ADAP1: variants seen among roughly 807,000 people sequenced by gnomAD.
The protein encoded by ADAP1 is arf-GAP with dual PH domain-containing protein 1.
A neutral mutation model predicts 54.9 loss-of-function variants in ADAP1; 31 were observed. That is an observed-to-expected ratio of 0.56 (90% CI 0.42 to 0.76). ADAP1 has a LOEUF of 0.76. ADAP1 is among the 30% of genes least tolerant of loss of function. ADAP1 has a pLI of 0.00. For synonymous variants in ADAP1, 313 were observed against 202.6 expected, an observed-to-expected ratio of 1.55 and a Z score of -4.63; for missense variants, 535 against 512.4, an observed-to-expected ratio of 1.04 and a Z score of -0.42.
rs555114547 is a variant in ADAP1, at chr7:903,146, TGCG to T, written c.648+977_648+979del. On this transcript the variant is annotated intron_variant, in intron 6 of 10. Coordinates refer to ENST00000265846, the MANE Select transcript of ADAP1 (RefSeq NM_006869.4). Reference sequence around the variant, plus strand: ...CAGAGACAACAGTCTGCGGAGAGTCTGCGGCAACACATGGTCAACTGCGGCAAG... The same window carrying T: ...CAGAGACAACAGTCTGCGGAGAGTCTGCAACACATGGTCAACTGCGGCAAG... Among the ~76,000 whole-genome samples the T allele has an allele frequency of 1.1e-3, 175 of 152,256 alleles. 5 individuals carry two copies. In the South Asian group the frequency reaches 0.033, roughly 29 times the overall value.
At chr7:936,927 T>C (rs1317560564) in intron 1 of ADAP1, among the ~76,000 whole-genome samples, 3 of 152,222 alleles carry the variant, frequency 2.0e-5, no homozygotes, top group African/African-American at 4.8e-5. Flanking sequence ...GGGACTCCCA[T>C]GCCAGGCGGC....
Position 946,911 on chromosome 7 carries a change from G to A in ADAP1, c.82+7485C>T, listed in dbSNP as rs974793231. 5.3e-5 allele frequency among the ~76,000 whole-genome samples: 8 copies of A among 152,252 alleles called. No homozygotes were observed. The highest frequency in any genetic ancestry group is 1.3e-4 in the Admixed American group (2 of 15,282). ...AGCACCTGGAGAGGCCAAGGTGAAC[G>A]GGTGGAGCCCAGGAGTTCGAGACCA... is the stretch of plus-strand genomic sequence containing the variant. On this transcript the variant is annotated intron_variant, in intron 1 of 10. Transcript: ENST00000265846. The surrounding 1 kb of genome is among the most constrained non-coding windows in gnomAD (Gnocchi z 4.3).
intron 4 of ADAP1, among the ~76,000 whole-genome samples, chr7:910,057 C>G (rs1050513317): frequency 7.1e-6 from 1 of 141,204 alleles, no homozygotes; most frequent in Non-Finnish European, 1.6e-5. Context: ...AACGGCAAAA[C>G]CAAACCAGTG....
chr7:953,322 G>A (rs1847312556), intron 1 of ADAP1, among the ~76,000 whole-genome samples: 1 of 152,208 alleles, frequency 6.6e-6, no homozygotes, highest in Non-Finnish European at 1.5e-5. Context: ...CTCCTGATGT[G>A]GCCTTTCCAG....
intron 4 of ADAP1, among the ~76,000 whole-genome samples, chr7:906,862 G>C (rs1206314071): frequency 2.0e-5 from 3 of 151,506 alleles, no homozygotes; most frequent in African/African-American, 4.9e-5. Flanking sequence ...TATGACAGTG[G>C]ACCAGCGCTG....
intron 4 of ADAP1, among the ~76,000 whole-genome samples, chr7:911,859 A>G (rs576438332): frequency 2.0e-5 from 3 of 151,920 alleles, no homozygotes; most frequent in South Asian, 2.1e-4. Context: ...GAGAGGGGCA[A>G]TGGGGCAGCC....
intron 6 of ADAP1, among the ~76,000 whole-genome samples, chr7:903,185 G>A (rs570051775): frequency 3.9e-5 from 6 of 152,310 alleles, no homozygotes; most frequent in South Asian, 2.1e-4. Context: ...GAACACAGCC[G>A]CTTACTGTGG....
chr7:933,452 C>T (rs1846646347), intron 2 of ADAP1, among the ~76,000 whole-genome samples: 1 of 150,046 alleles, frequency 6.7e-6, no homozygotes, highest in African/African-American at 2.4e-5. Context: ...TGAGCTACTC[C>T]CAACCAGGGG....
In ADAP1 at chr7:898,666, G is replaced by A; in HGVS notation, c.*255C>T. ...GGAGGAAAGGGGGCCCCGGGTCAGG[G>A]AGGGGCAGGTTGGCTGGGTGTGGTC... On this transcript the variant is annotated 3_prime_UTR_variant, in exon 11 of 11. Coordinates refer to ENST00000265846, the MANE Select transcript of ADAP1 (RefSeq NM_006869.4). The A allele has an allele frequency of 1.8e-6, 1 of 561,854 alleles. No homozygotes were observed. Among genetic ancestry groups the A allele is most frequent in the Non-Finnish European group, 3.2e-6 (1 of 313,428 alleles). 34.8% of individuals were successfully genotyped at this position (561,854 alleles called of 1,614,324 possible).
chr7:935,693 T>C (rs1314868198), intron 1 of ADAP1, among the ~76,000 whole-genome samples, 188 bp from the exon 2 acceptor site: 1 of 146,540 alleles, frequency 6.8e-6, no homozygotes. Context: ...CTCTGCCCGG[T>C]GCAGACGGGG....
chr7:937,851 G>A (rs1398422765), intron 1 of ADAP1, among the ~76,000 whole-genome samples: 1 of 152,122 alleles, frequency 6.6e-6, no homozygotes, highest in Non-Finnish European at 1.5e-5. Flanking sequence ...CCTGATTAAT[G>A]AAGCCTGTCT....
rs567794921 is a variant in ADAP1 at position 898,839 on chromosome 7, G to A, written c.*82C>T. 5.2e-6 allele frequency: 8 copies of A among 1,538,550 alleles called. No homozygotes were observed. The Admixed American group carries it at 7.8e-5, about 15-fold the overall frequency. On this transcript the variant is annotated 3_prime_UTR_variant, in exon 11 of 11. Transcript: ENST00000265846. ...GAGCAGGTGGGGCCAGGTGGCCTCA[G>A]GACGCCAGAGCCCCCCCATCCACGG... is the stretch of plus-strand genomic sequence containing the variant.
At chr7:927,048 C>T in intron 2 of ADAP1, 1 of 1,275,108 alleles carries the variant, frequency 7.8e-7, no homozygotes, top group Non-Finnish European at 1.0e-6. Flanking sequence ...CCCAGCTCCC[C>T]AGCTCACATT....
At position 898,566 on chromosome 7, in the gene ADAP1, G is replaced by C; in HGVS notation, c.*355C>G. On this transcript the variant is annotated 3_prime_UTR_variant, in exon 11 of 11. Transcript: ENST00000265846. ...GGCCCCAAGCAGGGCTCTGCGCTGA[G>C]GCCTGGAAGTTCCCACAGCCGTGGT... The C allele has an allele frequency of 2.5e-6, 1 of 397,636 alleles. No homozygotes were observed. Among genetic ancestry groups the C allele is most frequent in the Non-Finnish European group, 4.8e-6 (1 of 209,214 alleles). The allele number at this position is 397,636 out of a possible 1,614,324, so 24.6% of individuals were successfully genotyped here.
At position 920,891 on chromosome 7, in the gene ADAP1, CG is replaced by C. The variant is rs1846170488; in HGVS notation, c.306-842del. ...CCTTTTCCACTCCCAGGGAATTACG[CG>C]GCAAAGAACAAATAGGAACCCTGTG... is the stretch of plus-strand genomic sequence containing the variant. On this transcript the variant is annotated intron_variant, in intron 3 of 10. Transcript: ENST00000265846. The surrounding 1 kb of genome is among the most constrained non-coding windows in gnomAD (Gnocchi z 4.5). 1 of 1,549,226 alleles carries C rather than the reference CG, an allele frequency of 6.5e-7. No homozygotes were observed. The highest frequency in any genetic ancestry group is 2.4e-5 in the East Asian group (1 of 40,908).
At chr7:901,079 G>T (rs1029897452) in intron 6 of ADAP1, 9 of 469,330 alleles carry the variant, frequency 1.9e-5, no homozygotes, top group Non-Finnish European at 3.5e-5. Flanking sequence ...AAACGCCCTT[G>T]GAGCTGTGGC....
At chr7:912,700 C>T (rs1845773002) in intron 4 of ADAP1, among the ~76,000 whole-genome samples, 1 of 152,206 alleles carries the variant, frequency 6.6e-6, no homozygotes, top group Non-Finnish European at 1.5e-5. Flanking sequence ...TCCCTCACTC[C>T]TCTTGCATTT....
intron 2 of ADAP1, among the ~76,000 whole-genome samples, chr7:934,818 C>T (rs966389716): frequency 6.6e-6 from 1 of 152,208 alleles, no homozygotes; most frequent in Non-Finnish European, 1.5e-5. Context: ...GTGTCCCTGC[C>T]TGGCCATGCC....
Position 920,743 on chromosome 7 carries a change from C to T in ADAP1, c.306-693G>A. 12 of 1,529,582 alleles carry T rather than the reference C, an allele frequency of 7.8e-6. No homozygotes were observed. Among genetic ancestry groups the T allele is most frequent in the African/African-American group, 1.4e-5 (1 of 72,652 alleles). 94.8% of individuals were successfully genotyped at this position (1,529,582 alleles called of 1,614,324 possible). On this transcript the variant is annotated intron_variant, in intron 3 of 10. Transcript: ENST00000265846. The surrounding 1 kb of genome is among the most constrained non-coding windows in gnomAD (Gnocchi z 4.5). ...CCCACTGAGCCCAGACATCCCTGCC[C>T]AGAGCCACCCACCACGGCCTCCCCA...
Sources: allele counts gnomAD v4.1 joint callset (sites outside exome capture counted in the v4.1 genomes callset), GRCh38; gene constraint gnomAD v4.1.1; non-coding constraint Gnocchi (gnomAD v3.1); transcripts MANE v1.5; gene names NCBI Gene and HGNC (gene_info 2026-07-23, HGNC 2026-07-21).